ZNF274: variants seen among roughly 807,000 people sequenced by gnomAD.
ZNF274 encodes zinc finger protein 274.
In ZNF274, 23 loss-of-function variants were observed where a neutral mutation model predicts 42.5. That is an observed-to-expected ratio of 0.54 (90% CI 0.39 to 0.77). The LOEUF is 0.77. Ranked by LOEUF, ZNF274 falls within the 30% of genes least tolerant of loss-of-function variation. ZNF274 has a pLI of 0.00. For missense variants in ZNF274, 679 were observed against 806.5 expected (o/e 0.84, Z 1.91); for synonymous variants, 292 against 305.4 (o/e 0.96, Z 0.46).
chr19:58,212,732 G>A lies in ZNF274; in HGVS notation c.1551G>A (p.Arg517=), dbSNP rs2076057854. The change falls in exon 8 of 8, where the codon CGG becomes CGA. Residue 517 remains arginine (R), a synonymous_variant. Transcript: ENST00000617501. The surrounding 1 kb of genome is among the most constrained non-coding windows in gnomAD (Gnocchi z 4.6). Reference sequence around the variant, plus strand: ...GCAGTGAATGTGGTAAAATATTCCGGAACCCAAGATACTTTTCTGTGCATA... The same window carrying A: ...GCAGTGAATGTGGTAAAATATTCCGAAACCCAAGATACTTTTCTGTGCATA... ...CRCSECGKIF[R]NPRYFSVHKK... is the part of the protein sequence containing the mutation. The A allele has an allele frequency of 6.2e-7, 1 of 1,613,876 alleles. No homozygotes were observed.
chr19:58,188,243 G>T (rs2075722939), intron 4 of ZNF274, among the ~76,000 whole-genome samples: 1 of 151,988 alleles, frequency 6.6e-6, no homozygotes, highest in African/African-American at 2.4e-5. Flanking sequence ...AATCCTTTAA[G>T]GCCAGGCACA....
intron 4 of ZNF274, among the ~76,000 whole-genome samples, chr19:58,204,789 G>A (rs1054766606): frequency 2.6e-5 from 4 of 152,132 alleles, no homozygotes; most frequent in African/African-American, 9.7e-5. Context: ...AATATTCCAG[G>A]TATGTTGTGG....
At chr19:58,184,119 A>G (rs1200105549) in intron 2 of ZNF274, 121 bp downstream of exon 2, 16 of 1,180,914 alleles carry the variant, frequency 1.4e-5, no homozygotes, top group South Asian at 2.8e-5. Context: ...GGGAGGGGGT[A>G]GAGATTGGTT....
chr19:58,196,124 A>G (rs546256858), intron 4 of ZNF274, among the ~76,000 whole-genome samples: 27 of 152,360 alleles, frequency 1.8e-4, no homozygotes, highest in African/African-American at 6.5e-4. Flanking sequence ...AACCATTGCC[A>G]TATATGTGGC....
chr19:58,206,939 CCG>C lies in ZNF274; in HGVS notation c.482_483del (p.Arg161ProfsTer9). 1 of 1,611,916 alleles carries C rather than the reference CCG, an allele frequency of 6.2e-7. No individual in the cohort carries two copies. Among genetic ancestry groups the C allele is most frequent in the Non-Finnish European group, 8.5e-7 (1 of 1,178,996 alleles). ...GGCAAGCATCCAGGTGACCCTGAGG[CCG>C]CGCGCCAGAGGTTCCGGCAGTTCCG... On this transcript the variant is annotated frameshift_variant, in exon 5 of 8. Transcript: ENST00000617501. LOFTEE classifies it high-confidence loss of function.
chr19:58,204,379 C>G (rs943325766), intron 4 of ZNF274, among the ~76,000 whole-genome samples: 1 of 152,016 alleles, frequency 6.6e-6, no homozygotes, highest in South Asian at 2.1e-4. Context: ...GGCCTAGAGG[C>G]GTTGTAGGCG....
At chr19:58,188,193 T>C (rs898277504) in intron 4 of ZNF274, among the ~76,000 whole-genome samples, 3 of 152,182 alleles carry the variant, frequency 2.0e-5, no homozygotes, top group Admixed American at 1.3e-4. Flanking sequence ...TCAGCCAATG[T>C]TGTAAACTAA....
chr19:58,190,151 CTTT>C (rs527745785), intron 4 of ZNF274, among the ~76,000 whole-genome samples: 17 of 130,828 alleles, frequency 1.3e-4, no homozygotes, highest in African/African-American at 1.6e-4. Flanking sequence ...TTATCTCTCT[CTTT>C]TTTTTTTTTT....
chr19:58,213,156 T>G lies in ZNF274; in HGVS notation c.*13T>G. 1 of 1,592,264 alleles carries G rather than the reference T, an allele frequency of 6.3e-7. No homozygotes were observed. Among genetic ancestry groups the G allele is most frequent in the Non-Finnish European group, 8.6e-7 (1 of 1,168,594 alleles). On this transcript the variant is annotated 3_prime_UTR_variant, in exon 8 of 8. Transcript: ENST00000617501. ...GCCTACCTCATAGCTCTCAAGCCAG[T>G]TGAAGAAACCTTGCCTTTTCAGCTT...
In ZNF274 at chr19:58,213,247, G is replaced by A; in HGVS notation, c.*104G>A. The A allele has an allele frequency of 1.4e-6, 2 of 1,443,956 alleles. No homozygotes were observed. The highest frequency in any genetic ancestry group is 1.8e-6 in the Non-Finnish European group (2 of 1,091,266). The allele number at this position is 1,443,956 out of a possible 1,614,324, so 89.4% of individuals were successfully genotyped here. ...GGACTGAATGTGAAAGGGAAGTATT[G>A]AGTGAGGACATTCCCAAAACCAAAG... On this transcript the variant is annotated 3_prime_UTR_variant, in exon 8 of 8. Coordinates refer to ENST00000617501, the MANE Select transcript of ZNF274 (RefSeq NM_133502.3).
intron 4 of ZNF274, among the ~76,000 whole-genome samples, 183 bp from the exon 5 acceptor site, chr19:58,206,537 G>A (rs1336059477): frequency 1.3e-5 from 2 of 152,338 alleles, no homozygotes; most frequent in African/African-American, 2.4e-5. Flanking sequence ...CACCAACAGT[G>A]TGTGAGCATT....
intron 2 of ZNF274, chr19:58,184,277 A>T (rs2075668737): frequency 2.7e-6 from 1 of 368,284 alleles, no homozygotes; most frequent in Admixed American, 4.5e-5. Flanking sequence ...AGTAATTGAC[A>T]GGTCTTTTGT....
In ZNF274 at chr19:58,213,110, G is replaced by A. The variant is rs1208114210; in HGVS notation, c.1929G>A (p.Arg643=). 6.2e-7 allele frequency: 1 copy of A among 1,611,950 alleles called. No homozygotes were observed. Among genetic ancestry groups the A allele is most frequent in the African/African-American group, 1.3e-5 (1 of 74,862 alleles). ...HLIGHQRTHN[R]TKRKKKQPTS is the part of the protein sequence containing the mutation. ...TTGGGCACCAGAGAACCCACAATAG[G>A]ACAAAGCGAAAGAAGAAACAGCCTA... is the stretch of plus-strand genomic sequence containing the variant. The change falls in exon 8 of 8, where the codon AGG becomes AGA. Residue 643 remains arginine (R), a synonymous_variant. Coordinates refer to ENST00000617501, the MANE Select transcript of ZNF274 (RefSeq NM_133502.3).
At chr19:58,195,788 G>A (rs867050699) in intron 4 of ZNF274, among the ~76,000 whole-genome samples, 1 of 152,116 alleles carries the variant, frequency 6.6e-6, no homozygotes, top group Non-Finnish European at 1.5e-5. Context: ...TTCTCATAAG[G>A]AACATGCAGC....
In ZNF274 at chr19:58,207,216, T is replaced by G; in HGVS notation, c.739+14T>G. ...CTGAGGAGGAAGGTAAGTAGAAGGG[T>G]GGGTAGAGGGACAGCTTAATGAGGG... On this transcript the variant is annotated intron_variant, in intron 5 of 7. Coordinates refer to ENST00000617501, the MANE Select transcript of ZNF274 (RefSeq NM_133502.3). The surrounding 1 kb of genome is among the most constrained non-coding windows in gnomAD (Gnocchi z 5.6). 1 of 1,601,002 alleles carries G rather than the reference T, an allele frequency of 6.2e-7. No individual in the cohort carries two copies. Among genetic ancestry groups the G allele is most frequent in the South Asian group, 1.1e-5 (1 of 88,870 alleles).
chr19:58,188,723 T>TATATATATATATATATATATAA (rs2075743254), intron 4 of ZNF274, among the ~76,000 whole-genome samples: 1 of 128,796 alleles, frequency 7.8e-6, no homozygotes, highest in African/African-American at 3.0e-5. Context: ...TATATATATA[T>TATATATATATATATATATATAA]AAATCTTTAA....
chr19:58,203,242 CAG>C (rs905475936), intron 4 of ZNF274, among the ~76,000 whole-genome samples: 5 of 152,096 alleles, frequency 3.3e-5, no homozygotes, highest in Admixed American at 3.3e-4. Flanking sequence ...GCTGGGCCTC[CAG>C]TAAATCTTAT....
At chr19:58,189,985 T>C (rs1165465080) in intron 4 of ZNF274, among the ~76,000 whole-genome samples, 4 of 151,676 alleles carry the variant, frequency 2.6e-5, no homozygotes, top group African/African-American at 7.3e-5. Context: ...TAGCTGGGCG[T>C]GGTGGTTCGC....
At chr19:58,190,916 G>T (rs1446000506) in intron 4 of ZNF274, among the ~76,000 whole-genome samples, 3 of 152,174 alleles carry the variant, frequency 2.0e-5, no homozygotes, top group Non-Finnish European at 2.9e-5. Flanking sequence ...GTCTTTCTCT[G>T]TGACTCTCCC....
Sources: gnomAD v4.1 joint callset for allele counts (sites outside exome capture counted in the v4.1 genomes callset) on GRCh38, gnomAD v4.1.1 for gene constraint, Gnocchi (gnomAD v3.1) non-coding constraint, MANE v1.5 for transcripts, NCBI Gene and HGNC (gene_info 2026-07-23, HGNC 2026-07-21) for gene names.